Variants in SERPINI1 observed in about 807,000 individuals in gnomAD.
SERPINI1 encodes serpin family I member 1, also known as neuroserpin.
Under a neutral mutation model 41.1 loss-of-function variants are expected in SERPINI1, and 19 were observed. The ratio of observed to expected loss-of-function variants is 0.46; its 90% confidence interval spans 0.32 to 0.68. The LOEUF is 0.68. Ranked by LOEUF, SERPINI1 falls within the 30% of genes least tolerant of loss-of-function variation. SERPINI1 has a pLI of 0.03. For missense variants in SERPINI1, 460 were observed against 479.2 expected, an observed-to-expected ratio of 0.96 and a Z score of 0.37; for synonymous variants, 138 against 156.6, an observed-to-expected ratio of 0.88 and a Z score of 0.89.
At chr3:167,749,571 C>T (rs1725977077) in intron 1 of SERPINI1, among the ~76,000 whole-genome samples, 1 of 152,094 alleles carries the variant, frequency 6.6e-6, no homozygotes, top group African/African-American at 2.4e-5. Flanking sequence ...CTCTTTTCTT[C>T]TTTTTAGAAT....
chr3:167,749,018 TGAGC>T (rs1725957793), intron 1 of SERPINI1, among the ~76,000 whole-genome samples: 1 of 152,164 alleles, frequency 6.6e-6, no homozygotes, highest in Non-Finnish European at 1.5e-5. Flanking sequence ...CCGTTGTAAA[TGAGC>T]TGAAAACGTA....
chr3:167,740,696 C>T (rs1030569429), intron 1 of SERPINI1, among the ~76,000 whole-genome samples: 1 of 152,216 alleles, frequency 6.6e-6, no homozygotes, highest in African/African-American at 2.4e-5. Flanking sequence ...TTGTTATTAA[C>T]TGCAAACTTG....
intron 1 of SERPINI1, among the ~76,000 whole-genome samples, chr3:167,781,870 C>T (rs1727140419): frequency 6.6e-6 from 1 of 152,014 alleles, no homozygotes; most frequent in African/African-American, 2.4e-5. Flanking sequence ...TGCGGACTTT[C>T]AGTTTTGTGA....
chr3:167,787,910 G>T (rs1330165113), intron 1 of SERPINI1, among the ~76,000 whole-genome samples: 2 of 152,210 alleles, frequency 1.3e-5, no homozygotes, highest in African/African-American at 4.8e-5. Flanking sequence ...TCATAAGCCT[G>T]TTGGAATCAC....
At chr3:167,804,354 T>A (rs919233269) in intron 5 of SERPINI1, among the ~76,000 whole-genome samples, 33 of 152,214 alleles carry the variant, frequency 2.2e-4, no homozygotes, top group African/African-American at 8.0e-4. Flanking sequence ...TTAGAAATGA[T>A]GCTAATGAAA....
At chr3:167,750,546 G>C (rs1004341038) in intron 1 of SERPINI1, among the ~76,000 whole-genome samples, 1 of 152,150 alleles carries the variant, frequency 6.6e-6, no homozygotes, top group African/African-American at 2.4e-5. Context: ...GGAGGCAGTG[G>C]GTGTTGTCTA....
intron 1 of SERPINI1, among the ~76,000 whole-genome samples, chr3:167,766,739 A>C (rs1220487403): frequency 2.0e-5 from 3 of 152,248 alleles, no homozygotes; most frequent in Admixed American, 2.0e-4. Flanking sequence ...GTCTAGATAG[A>C]TCAAACCAGC....
At chr3:167,740,003 A>C (rs1259670877) in intron 1 of SERPINI1, among the ~76,000 whole-genome samples, 1 of 150,120 alleles carries the variant, frequency 6.7e-6, no homozygotes, top group Non-Finnish European at 1.5e-5. Context: ...TAGAACTGAT[A>C]ATTAACCTGC....
chr3:167,775,213 A>G (rs956429146), intron 1 of SERPINI1, among the ~76,000 whole-genome samples: 3 of 146,634 alleles, frequency 2.0e-5, no homozygotes, highest in African/African-American at 5.0e-5. Context: ...TCAGGGTACA[A>G]CGAAGTGTCA....
Position 167,825,437 on chromosome 3 carries a change from T to C in SERPINI1, c.*114T>C. On this transcript the variant is annotated 3_prime_UTR_variant, in exon 9 of 9. Transcript: ENST00000446050. ...ATCTTAAGATAATATTTAAAATAGTTCCAGATAAAAACAATATATGTAAAT... is the reference window on the plus strand; with the variant it reads ...ATCTTAAGATAATATTTAAAATAGTCCCAGATAAAAACAATATATGTAAAT... 1 of 729,136 alleles carries C rather than the reference T, an allele frequency of 1.4e-6. No individual in the cohort carries two copies. The highest frequency in any genetic ancestry group is 2.7e-5 in the East Asian group (1 of 37,060). 45.2% of individuals were successfully genotyped at this position (729,136 alleles called of 1,614,324 possible).
At position 167,801,703 on chromosome 3, in the gene SERPINI1, A is replaced by G. The variant is rs1727904192; in HGVS notation, c.882-5541A>G. ...ATTTGCATAGTGCCTGAAACATAGT[A>G]AGCACTCAATATATGGGAGATAACG... On this transcript the variant is annotated intron_variant, in intron 5 of 8. Transcript: ENST00000446050. 2.0e-5 allele frequency among the ~76,000 whole-genome samples: 3 copies of G among 152,110 alleles called. No individual in the cohort carries two copies. In the South Asian group the frequency reaches 6.2e-4, roughly 32 times the overall value.
intron 1 of SERPINI1, among the ~76,000 whole-genome samples, chr3:167,768,626 TG>T (rs1373490216): frequency 6.6e-6 from 1 of 152,250 alleles, no homozygotes; most frequent in Admixed American, 6.5e-5. Flanking sequence ...TGTTCTTCTG[TG>T]TATCTGAGTT....
intron 5 of SERPINI1, among the ~76,000 whole-genome samples, chr3:167,805,358 C>G (rs1485767995): frequency 6.6e-6 from 1 of 152,134 alleles, no homozygotes; most frequent in African/African-American, 2.4e-5. Flanking sequence ...TGAGAAATGT[C>G]TGTTCATATC....
chr3:167,739,524 A>G (rs1725600650), intron 1 of SERPINI1, among the ~76,000 whole-genome samples: 1 of 152,214 alleles, frequency 6.6e-6, no homozygotes, highest in South Asian at 2.1e-4. Context: ...TTCTAAATTC[A>G]TCTCAGAGAT....
intron 1 of SERPINI1, among the ~76,000 whole-genome samples, chr3:167,770,215 T>C (rs536958963): frequency 3.9e-5 from 6 of 152,086 alleles, no homozygotes; most frequent in African/African-American, 1.4e-4. Context: ...AAAGTATATG[T>C]TTAAAAAAGT....
At chr3:167,802,097 C>T (rs1207880796) in intron 5 of SERPINI1, among the ~76,000 whole-genome samples, 3 of 152,012 alleles carry the variant, frequency 2.0e-5, no homozygotes, top group Non-Finnish European at 2.9e-5. Flanking sequence ...AACTGGATCC[C>T]TTCCTTACAC....
In SERPINI1 at chr3:167,772,964, G is replaced by GTT. The variant is rs1726838513; in HGVS notation, c.-18-16146_-18-16145insTT. Reference sequence around the variant, plus strand: ...CATATATACACATATATATGTATATGTGTGTATATATATGTATATATATAT... The same window carrying GTT: ...CATATATACACATATATATGTATATGTTTGTGTATATATATGTATATATATAT... On this transcript the variant is annotated intron_variant, in intron 1 of 8. Coordinates refer to ENST00000446050, the MANE Select transcript of SERPINI1 (RefSeq NM_001122752.2). 7.1e-5 allele frequency among the ~76,000 whole-genome samples: 5 copies of GTT among 70,528 alleles called. No homozygotes were observed. In the South Asian group the frequency reaches 1.6e-3, roughly 23 times the overall value. 46.3% of individuals were successfully genotyped at this position (70,528 alleles called of 152,430 possible). A position where few individuals can be genotyped will look rare whatever the true frequency, so the allele number is the denominator to read the frequency against.
intron 1 of SERPINI1, among the ~76,000 whole-genome samples, chr3:167,779,219 G>A (rs546791731): frequency 4.6e-5 from 7 of 152,122 alleles, no homozygotes; most frequent in African/African-American, 9.6e-5. Flanking sequence ...TTTTTAAACC[G>A]ATTAAATGGT....
intron 1 of SERPINI1, among the ~76,000 whole-genome samples, chr3:167,741,556 G>A (rs1725677076): frequency 6.6e-6 from 1 of 152,206 alleles, no homozygotes; most frequent in African/African-American, 2.4e-5. Flanking sequence ...AACTTGAAGA[G>A]CTAGCTAATT....
Sources: allele counts gnomAD v4.1 joint callset (sites outside exome capture counted in the v4.1 genomes callset), GRCh38; gene constraint gnomAD v4.1.1; transcripts MANE v1.5; gene names NCBI Gene and HGNC (gene_info 2026-07-23, HGNC 2026-07-21).